The following ZNF469 variants were observed in gnomAD, a reference collection of about 807,000 sequenced individuals.
The protein encoded by ZNF469 is zinc finger protein 469.
A neutral mutation model predicts 1.0 loss-of-function variants in ZNF469; 1 was observed. The ratio of observed to expected loss-of-function variants is 1.00; its 90% CI spans 0.35 to 4.73. The LOEUF is 4.73. Among genes scored for constraint, ZNF469 ranks in the 30% most tolerant of loss-of-function variants. ZNF469 has a pLI of 0.16. For synonymous variants in ZNF469, 2,703 were observed against 2,363.4 expected (o/e 1.14, Z -4.17); for missense variants, 6,100 against 5,356.3 (o/e 1.14, Z -4.33).
the ZNF469 span, among the ~76,000 whole-genome samples, chr16:88,128,770 C>T: frequency 6.6e-6 from 1 of 152,246 alleles, no homozygotes; most frequent in African/African-American, 2.4e-5. Context: ...CTCCAGGCCT[C>T]TGCTAAGCTT....
chr16:88,112,876 T>G, the ZNF469 span, among the ~76,000 whole-genome samples: 5 of 147,358 alleles, frequency 3.4e-5, no homozygotes, highest in Non-Finnish European at 7.4e-5. Context: ...CTCCCGGGTT[T>G]GCGCTATTCT....
In ZNF469 at chr16:88,433,048, G is replaced by C. The variant is rs1321856447; in HGVS notation, c.5578G>C (p.Ala1860Pro). The change falls in exon 3 of 3, where the codon GCG becomes CCG. Residue 1860 changes from alanine to proline, a missense_variant. Ala to Pro is a conservative substitution (Grantham distance 27). Transcript: ENST00000565624. Reference protein sequence around the residue: ...PGFEGNEFAPAGASSLTAPRG... With the variant: ...PGFEGNEFAPPGASSLTAPRG... Reference sequence around the variant, plus strand: ...CTTTGAGGGTAATGAGTTTGCACCGGCGGGGGCCTCCTCACTGACTGCCCC... The same window carrying C: ...CTTTGAGGGTAATGAGTTTGCACCGCCGGGGGCCTCCTCACTGACTGCCCC... 1.3e-6 allele frequency: 2 copies of C among 1,550,360 alleles called. No individual in the cohort carries two copies. Among genetic ancestry groups the C allele is most frequent in the East Asian group, 4.9e-5 (2 of 40,912 alleles).
the ZNF469 span, among the ~76,000 whole-genome samples, chr16:88,210,056 T>A: frequency 2.6e-5 from 4 of 152,272 alleles, no homozygotes; most frequent in Non-Finnish European, 4.4e-5. Context: ...TGGGAACATG[T>A]TCTCAGTGAC....
At chr16:88,417,881 C>A (rs978071174) in intron 1 of ZNF469, among the ~76,000 whole-genome samples, 6 of 152,222 alleles carry the variant, frequency 3.9e-5, no homozygotes, top group Admixed American at 1.3e-4. Flanking sequence ...TGGATGTATG[C>A]ACGTATGAGC....
the ZNF469 span, among the ~76,000 whole-genome samples, chr16:88,166,701 G>A: frequency 2.0e-5 from 3 of 151,626 alleles, no homozygotes; most frequent in South Asian, 4.2e-4. The surrounding 1 kb of genome is among the most constrained non-coding windows in gnomAD (Gnocchi z 4.5). Context: ...CGTTTTTCAA[G>A]GGCTGGGTTT....
the ZNF469 span, among the ~76,000 whole-genome samples, chr16:88,261,101 C>T: frequency 6.6e-6 from 1 of 152,214 alleles, no homozygotes; most frequent in East Asian, 1.9e-4. This position sits in a 1 kb window ranked among gnomAD's most constrained non-coding sequence, Gnocchi z 6.0. Flanking sequence ...CGGAGAGGCT[C>T]GAGCACGCTG....
chr16:88,151,380 G>A, the ZNF469 span, among the ~76,000 whole-genome samples: 6 of 152,240 alleles, frequency 3.9e-5, no homozygotes, highest in African/African-American at 9.6e-5. This position sits in a 1 kb window ranked among gnomAD's most constrained non-coding sequence, Gnocchi z 5.4. Context: ...GCCGGGGAGC[G>A]CTGGGCGGCT....
At chr16:88,268,834 G>A in the ZNF469 span, among the ~76,000 whole-genome samples, 17 of 152,284 alleles carry the variant, frequency 1.1e-4, no homozygotes, top group Non-Finnish European at 2.2e-4. Context: ...TGTGGAAAAC[G>A]TGCAGCCCGG....
At chr16:88,377,402 C>T in the ZNF469 span, among the ~76,000 whole-genome samples, 3 of 152,222 alleles carry the variant, frequency 2.0e-5, no homozygotes, top group East Asian at 1.9e-4. Context: ...ATGTGTGAGC[C>T]GGTGTGTATG....
the ZNF469 span, among the ~76,000 whole-genome samples, chr16:88,344,862 C>T: frequency 2.0e-5 from 3 of 152,238 alleles, no homozygotes; most frequent in South Asian, 2.1e-4. Flanking sequence ...CTGGGTCCCG[C>T]GTGTCGAACC....
At chr16:88,143,131 T>TGG in the ZNF469 span, among the ~76,000 whole-genome samples, 3 of 151,656 alleles carry the variant, frequency 2.0e-5, no homozygotes, top group African/African-American at 7.3e-5. Flanking sequence ...GGAGAAGCCC[T>TGG]GGGGGGGTGG....
chr16:88,128,707 T>C, the ZNF469 span, among the ~76,000 whole-genome samples: 1 of 152,214 alleles, frequency 6.6e-6, no homozygotes, highest in Non-Finnish European at 1.5e-5. Flanking sequence ...TAAACCCCTC[T>C]AGGCTGTGGG....
At chr16:88,272,122 T>G in the ZNF469 span, among the ~76,000 whole-genome samples, 7,613 of 102,286 alleles carry the variant, frequency 0.074, no homozygotes, top group East Asian at 0.11. Context: ...TGGATGAATT[T>G]TGGGTAAATG....
the ZNF469 span, among the ~76,000 whole-genome samples, chr16:88,250,787 C>T: frequency 6.6e-6 from 1 of 152,190 alleles, no homozygotes; most frequent in Non-Finnish European, 1.5e-5. Context: ...AAATCTCAGT[C>T]ATGGTACTTT....
At chr16:88,129,020 G>C in the ZNF469 span, among the ~76,000 whole-genome samples, 1 of 152,252 alleles carries the variant, frequency 6.6e-6, no homozygotes, top group African/African-American at 2.4e-5. Context: ...GAATGATGGC[G>C]CTGTGCTTAC....
the ZNF469 span, among the ~76,000 whole-genome samples, chr16:88,204,241 C>A: frequency 2.0e-5 from 3 of 151,648 alleles, no homozygotes; most frequent in Non-Finnish European, 4.4e-5. Flanking sequence ...CCCCATAGAG[C>A]AGCGGGAGGC....
chr16:88,215,246 G>C, the ZNF469 span, among the ~76,000 whole-genome samples: 3 of 151,544 alleles, frequency 2.0e-5, no homozygotes, highest in East Asian at 5.8e-4. Context: ...CTTTCTTTCT[G>C]TTTGAGCCAT....
chr16:88,247,290 CG>C, the ZNF469 span, among the ~76,000 whole-genome samples: 29 of 129,816 alleles, frequency 2.2e-4, no homozygotes, highest in African/African-American at 8.3e-4. Context: ...AATGAGTGAG[CG>C]AGTGAATGAG....
chr16:88,342,834 C>T, the ZNF469 span, among the ~76,000 whole-genome samples: 3 of 152,232 alleles, frequency 2.0e-5, no homozygotes, highest in African/African-American at 7.2e-5. Context: ...CAGCATAGGG[C>T]GATACCCGTC....
Sources: allele counts gnomAD v4.1 joint callset (sites outside exome capture counted in the v4.1 genomes callset), GRCh38; gene constraint gnomAD v4.1.1; non-coding constraint Gnocchi (gnomAD v3.1); transcripts MANE v1.5; gene names NCBI Gene and HGNC (gene_info 2026-07-23, HGNC 2026-07-21).